CSMD1: variants seen among roughly 807,000 people sequenced by gnomAD.
CSMD1 encodes the protein CUB and Sushi multiple domains 1.
CSMD1 carries 213 observed loss-of-function variants against 417.5 expected under a neutral mutation model. That is an observed-to-expected ratio of 0.51 (90% confidence interval 0.46 to 0.57). CSMD1 has a LOEUF of 0.57. CSMD1 is among the 20% of genes least tolerant of loss of function. CSMD1 has a pLI of 0.00. For missense variants in CSMD1, 6,923 were observed against 4,529.7 expected (o/e 1.53, Z -15.17); for synonymous variants, 2,862 against 1,736.8 (o/e 1.65, Z -16.11).
At chr8:4,174,518 G>T (rs1044701241) in intron 3 of CSMD1, among the ~76,000 whole-genome samples, 1 of 150,898 alleles carries the variant, frequency 6.6e-6, no homozygotes, top group African/African-American at 2.4e-5. Context: ...TATAATAAAT[G>T]ACCCCCATGT....
Position 3,928,872 on chromosome 8 carries a change from G to A in CSMD1, c.818+69031C>T, listed in dbSNP as rs539192002. 3.6e-4 allele frequency among the ~76,000 whole-genome samples: 53 copies of A among 145,760 alleles called. 4 individuals carry two copies. Among genetic ancestry groups the A allele is most frequent in the South Asian group, 1.9e-3 (8 of 4,298 alleles). ...ATACAAGGGTAGGAGAAATGTCATG[G>A]AGCTTTCCACTGTTGCTTATCAGTG... On this transcript the variant is annotated intron_variant, in intron 5 of 69. Transcript: ENST00000635120.
At chr8:3,732,830 G>C (rs899396413) in intron 6 of CSMD1, among the ~76,000 whole-genome samples, 2 of 152,148 alleles carry the variant, frequency 1.3e-5, no homozygotes, top group Middle Eastern at 3.4e-3. Context: ...GGTATTTATC[G>C]AGTGATTCAA....
chr8:3,193,747 G>A (rs1200839666), intron 33 of CSMD1, among the ~76,000 whole-genome samples: 11 of 152,298 alleles, frequency 7.2e-5, no homozygotes, highest in East Asian at 1.9e-4. Context: ...TTCAGAGGCA[G>A]AACGCTCTCC....
rs544419624 is a variant in CSMD1, at chr8:4,023,181, T to G, written c.610+8724A>C. 8.5e-5 allele frequency among the ~76,000 whole-genome samples: 13 copies of G among 152,168 alleles called. No individual in the cohort carries two copies. In the East Asian group the frequency reaches 9.6e-4, roughly 11 times the overall value. ...ACTCAAGTTCTTCCTTTTCACCCAG[T>G]GCAATGTTGCAGGCTACAGACCTTC... On this transcript the variant is annotated intron_variant, in intron 4 of 69. Transcript: ENST00000635120.
intron 6 of CSMD1, among the ~76,000 whole-genome samples, chr8:3,747,111 C>CA: frequency 6.6e-6 from 1 of 151,906 alleles, no homozygotes; most frequent in Middle Eastern, 3.4e-3. Context: ...GGTGGAGAAA[C>CA]ACAGTTGTAA....
At chr8:3,708,603 G>A (rs1465417432) in intron 6 of CSMD1, 112 bp from the exon 7 acceptor site, 3 of 821,554 alleles carry the variant, frequency 3.7e-6, no homozygotes, top group Non-Finnish European at 6.2e-6. Context: ...CCCCGAAAAT[G>A]GGAAATGTTC....
rs144928117 is a variant in CSMD1, at chr8:3,064,449, T to G, written c.7475-11802A>C. Among the ~76,000 whole-genome samples the G allele has an allele frequency of 3.9e-3, 599 of 152,314 alleles. 1 individual carries two copies. The highest frequency in any genetic ancestry group is 0.014 in the African/African-American group (564 of 41,570). ...CTTTCTGCCATGATTGTAAGTTTCC[T>G]GAGGCCTCCCAGCCACGTTTCCTGT... On this transcript the variant is annotated intron_variant, in intron 49 of 69. Transcript: ENST00000635120.
intron 7 of CSMD1, among the ~76,000 whole-genome samples, chr8:3,661,979 G>A (rs925635092): frequency 4.6e-5 from 7 of 152,146 alleles, no homozygotes; most frequent in African/African-American, 7.2e-5. Flanking sequence ...CAGAGGCTGC[G>A]GGAGAGAGGA....
At chr8:4,511,971 G>C (rs750358018) in intron 2 of CSMD1, among the ~76,000 whole-genome samples, 2 of 152,076 alleles carry the variant, frequency 1.3e-5, no homozygotes, top group African/African-American at 2.4e-5. Flanking sequence ...ATCAACACCA[G>C]ACAGAGGCAT....
At chr8:3,772,216 A>G (rs1419294050) in intron 5 of CSMD1, among the ~76,000 whole-genome samples, 1 of 140,030 alleles carries the variant, frequency 7.1e-6, no homozygotes, top group East Asian at 2.0e-4. Context: ...ACACACACAC[A>G]TATAATACAC....
Position 3,969,758 on chromosome 8 carries a change from C to T in CSMD1, c.818+28145G>A, listed in dbSNP as rs538898293. On this transcript the variant is annotated intron_variant, in intron 5 of 69. Transcript: ENST00000635120. Reference sequence around the variant, plus strand: ...GTGTAGATGCCACAGAGGAATCATACATATTACCATTTTAAATCACTGAAG... The same window carrying T: ...GTGTAGATGCCACAGAGGAATCATATATATTACCATTTTAAATCACTGAAG... Among the ~76,000 whole-genome samples the T allele has an allele frequency of 1.7e-3, 265 of 152,192 alleles. 2 individuals carry two copies. The highest frequency in any genetic ancestry group is 6.2e-3 in the African/African-American group (259 of 41,524).
At chr8:4,093,965 A>AATAGATAG (rs201105711) in intron 3 of CSMD1, among the ~76,000 whole-genome samples, 15,835 of 136,786 alleles carry the variant, frequency 0.12, 888 homozygotes, top group Middle Eastern at 0.14. Flanking sequence ...CTACATCTCA[A>AATAGATAG]ATAGATAGAT....
At chr8:4,258,151 T>A (rs1803593163) in intron 3 of CSMD1, among the ~76,000 whole-genome samples, 1 of 150,542 alleles carries the variant, frequency 6.6e-6, no homozygotes, top group Admixed American at 6.6e-5. Context: ...CACCATGTTG[T>A]TCAGGCTGGT....
chr8:3,161,219 G>A (rs1200710450), intron 38 of CSMD1, among the ~76,000 whole-genome samples: 2 of 152,010 alleles, frequency 1.3e-5, no homozygotes, highest in African/African-American at 4.8e-5. Flanking sequence ...CTGAGAGTAG[G>A]CTTACTCATG....
chr8:3,250,221 A>G (rs565620482), intron 26 of CSMD1, among the ~76,000 whole-genome samples: 1 of 152,106 alleles, frequency 6.6e-6, no homozygotes, highest in South Asian at 2.1e-4. Flanking sequence ...CCCCCACCCC[A>G]CAACAGGCCC....
At chr8:3,393,805 C>G (rs973002694) in intron 17 of CSMD1, among the ~76,000 whole-genome samples, 5 of 150,604 alleles carry the variant, frequency 3.3e-5, no homozygotes, top group Non-Finnish European at 7.4e-5. Context: ...CACATGGACA[C>G]AGGAAGGGGA....
chr8:4,106,568 G>C (rs1373508983), intron 3 of CSMD1, among the ~76,000 whole-genome samples: 1 of 152,050 alleles, frequency 6.6e-6, no homozygotes, highest in South Asian at 2.1e-4. Context: ...AACTAAAAAT[G>C]TGAGTTAATA....
chr8:4,640,277 T>G lies in CSMD1; in HGVS notation c.86-2719A>C, dbSNP rs142726479. On this transcript the variant is annotated intron_variant, in intron 1 of 69. Transcript: ENST00000635120. ...GCTCAAAAGTTCTTAGCAGAATGAA[T>G]ATCATCGTTGGCTGTCCAGTGCAAA... Among the ~76,000 whole-genome samples, 3 of 152,360 alleles carry G rather than the reference T, an allele frequency of 2.0e-5. No individual in the cohort carries two copies. In the East Asian group the frequency reaches 5.8e-4, roughly 29 times the overall value.
intron 3 of CSMD1, among the ~76,000 whole-genome samples, chr8:4,254,782 G>C (rs905586981): frequency 6.6e-6 from 1 of 152,102 alleles, no homozygotes; most frequent in African/African-American, 2.4e-5. Context: ...ACAGTCTGCA[G>C]GACCCTAACA....
Sources: allele counts gnomAD v4.1 joint callset (sites outside exome capture counted in the v4.1 genomes callset), GRCh38; gene constraint gnomAD v4.1.1; transcripts MANE v1.5; gene names NCBI Gene and HGNC (gene_info 2026-07-23, HGNC 2026-07-21).